Variants in CABIN1 observed in about 807,000 individuals in gnomAD.
CABIN1 encodes the protein calcineurin-binding protein cabin-1.
Under a neutral mutation model 227.7 loss-of-function variants are expected in CABIN1, and 133 were observed. That is an observed-to-expected ratio of 0.58 (90% CI 0.51 to 0.67). CABIN1 has a LOEUF of 0.67. CABIN1 is among the 30% of genes least tolerant of loss of function. CABIN1 has a pLI of 0.00. For synonymous variants in CABIN1, 1,086 were observed against 1,155.1 expected (o/e 0.94, Z 1.21); for missense variants, 2,408 against 2,852.5 (o/e 0.84, Z 3.55).
intron 26 of CABIN1, among the ~76,000 whole-genome samples, chr22:24,105,378 A>T (rs538510796): frequency 1.3e-5 from 2 of 152,344 alleles, no homozygotes; most frequent in East Asian, 3.9e-4. Context: ...TCCAGTAATT[A>T]ACAGTAACAA....
chr22:24,121,945 A>G (rs1000903100), intron 28 of CABIN1, among the ~76,000 whole-genome samples: 2 of 152,152 alleles, frequency 1.3e-5, no homozygotes, highest in Admixed American at 6.5e-5. Context: ...AGATGTCGAG[A>G]TGGAATTTCG....
At chr22:24,074,130 A>C (rs1369632955) in intron 18 of CABIN1, among the ~76,000 whole-genome samples, 1 of 152,182 alleles carries the variant, frequency 6.6e-6, no homozygotes, top group Non-Finnish European at 1.5e-5. Flanking sequence ...AAAAAACCTA[A>C]AGTTTATAAC....
rs150655318 is a variant in CABIN1, at chr22:24,177,506, G to A, written c.6208G>A (p.Gly2070Arg). 1.4e-4 allele frequency: 209 copies of A among 1,527,676 alleles called. 1 individual carries two copies. The highest frequency in any genetic ancestry group is 3.6e-4 in the Middle Eastern group (2 of 5,632). The allele number at this position is 1,527,676 out of a possible 1,614,324, so 94.6% of individuals were successfully genotyped here. The change falls in exon 36 of 37, where the codon GGG becomes AGG. Residue 2070 changes from glycine to arginine, a missense_variant and splice_region_variant. Gly to Arg is a moderately radical substitution (Grantham distance 125). Coordinates refer to ENST00000263119, the MANE Select transcript of CABIN1 (RefSeq NM_012295.4). The surrounding 1 kb of genome is among the most constrained non-coding windows in gnomAD (Gnocchi z 4.4). ...CTCTTGGTACCTTTGTCTTCCAGAG[G>A]GGAAACTGAGGCCTGAGCCGAGAAG... ...TGAEPTCSQE[G>R]KLRPEPRRDG... is the part of the protein sequence containing the mutation.
chr22:24,070,300 G>A (rs2039994427), intron 16 of CABIN1, among the ~76,000 whole-genome samples: 1 of 152,226 alleles, frequency 6.6e-6, no homozygotes, highest in African/African-American at 2.4e-5. Context: ...TGGGGAGGAG[G>A]AGGCTGATAG....
At chr22:24,041,358 AG>A in intron 5 of CABIN1, 85 bp downstream of exon 5, 1 of 1,563,714 alleles carries the variant, frequency 6.4e-7, no homozygotes, top group South Asian at 1.1e-5. Flanking sequence ...TGGGCCAAAA[AG>A]AAGAGTTTGT....
At chr22:24,136,347 CTTTTTTTTTTTTT>C (rs71184947) in intron 29 of CABIN1, among the ~76,000 whole-genome samples, 2 of 113,226 alleles carry the variant, frequency 1.8e-5, no homozygotes, top group Admixed American at 9.1e-5. Flanking sequence ...GCCATCCCTC[CTTTTTTTTTTTTT>C]TTTTTTTTTT....
chr22:24,057,001 A>G (rs2038849496), intron 10 of CABIN1, among the ~76,000 whole-genome samples: 1 of 150,884 alleles, frequency 6.6e-6, no homozygotes, highest in East Asian at 1.9e-4. Context: ...CAGTGGTGCT[A>G]TCTGGGCTTA....
intron 1 of CABIN1, 93 bp downstream of exon 1, chr22:24,011,460 G>A (rs2034804334): frequency 6.6e-6 from 1 of 152,446 alleles, no homozygotes; most frequent in Non-Finnish European, 1.5e-5. Flanking sequence ...CTGCAGGCGC[G>A]AGGCTGGGTT....
At chr22:24,175,358 G>T (rs1377988669) in intron 34 of CABIN1, among the ~76,000 whole-genome samples, 1 of 152,252 alleles carries the variant, frequency 6.6e-6, no homozygotes, top group Non-Finnish European at 1.5e-5. Context: ...AGGGGAGCTG[G>T]CTCCCCCTGC....
At chr22:24,041,079 G>T (rs1252777766) in intron 4 of CABIN1, 60 bp from the exon 5 acceptor site, 14 of 1,611,210 alleles carry the variant, frequency 8.7e-6, no homozygotes, top group Non-Finnish European at 1.0e-5. Context: ...CAAGTATCCT[G>T]CTGGCTGCTT....
intron 29 of CABIN1, among the ~76,000 whole-genome samples, chr22:24,134,637 T>C (rs933867439): frequency 6.6e-6 from 1 of 152,130 alleles, no homozygotes; most frequent in Non-Finnish European, 1.5e-5. Context: ...TGTGGGGAGA[T>C]GCATGGATGA....
chr22:24,091,794 A>G lies in CABIN1; in HGVS notation c.3737A>G (p.Lys1246Arg). The G allele has an allele frequency of 6.2e-7, 1 of 1,613,874 alleles. No homozygotes were observed. The highest frequency in any genetic ancestry group is 1.1e-5 in the South Asian group (1 of 91,080). The change falls in exon 24 of 37, where the codon AAG (lysine) becomes AGG (arginine). Residue 1246 changes from lysine to arginine, a missense_variant. Coordinates refer to ENST00000263119, the MANE Select transcript of CABIN1 (RefSeq NM_012295.4). ...YLHEEAARYPKKIHYHNPPEL... is the reference protein window; with the variant it reads ...YLHEEAARYPRKIHYHNPPEL... ...CACGAGGAGGCTGCCCGCTACCCCA[A>G]GAAGATCCACTACCACAACCCACCT...
At chr22:24,104,301 A>G (rs2042379807) in intron 26 of CABIN1, among the ~76,000 whole-genome samples, 1 of 152,188 alleles carries the variant, frequency 6.6e-6, no homozygotes, top group Non-Finnish European at 1.5e-5. Context: ...ATTTGTATCA[A>G]GAGGGGCTGT....
At chr22:24,048,948 C>T (rs575499947) in intron 6 of CABIN1, 143 bp from the exon 7 acceptor site, 1 of 953,848 alleles carries the variant, frequency 1.0e-6, no homozygotes, top group South Asian at 1.3e-5. Context: ...ACTAACCTGA[C>T]TGAATTAGTT....
At chr22:24,026,067 G>T (rs568544653) in intron 1 of CABIN1, among the ~76,000 whole-genome samples, 1 of 152,126 alleles carries the variant, frequency 6.6e-6, no homozygotes, top group Non-Finnish European at 1.5e-5. Context: ...GAACTCCTGA[G>T]CTCAAGTGAT....
chr22:24,026,589 TTTTC>T (rs1301495092), intron 1 of CABIN1, among the ~76,000 whole-genome samples: 1 of 152,184 alleles, frequency 6.6e-6, no homozygotes, highest in Non-Finnish European at 1.5e-5. Context: ...TCTTTTTCTT[TTTTC>T]TTTTTGAATA....
At chr22:24,021,358 A>G (rs2035715571) in intron 1 of CABIN1, among the ~76,000 whole-genome samples, 1 of 152,046 alleles carries the variant, frequency 6.6e-6, no homozygotes, top group Admixed American at 6.5e-5. Flanking sequence ...GGGTCTCACT[A>G]TGTTGCCCAG....
At chr22:24,028,623 A>T (rs2036269886) in intron 1 of CABIN1, among the ~76,000 whole-genome samples, 1 of 152,182 alleles carries the variant, frequency 6.6e-6, no homozygotes, top group Non-Finnish European at 1.5e-5. Flanking sequence ...TTGTATGACT[A>T]TTCCATCCTT....
Position 24,098,137 on chromosome 22 carries a change from G to A in CABIN1, c.4062G>A (p.Pro1354=), listed in dbSNP as rs1416863156. 4 of 1,614,104 alleles carry A rather than the reference G, an allele frequency of 2.5e-6. No individual in the cohort carries two copies. The highest frequency in any genetic ancestry group is 2.2e-5 in the South Asian group (2 of 91,070). The change falls in exon 26 of 37, where the codon CCG becomes CCA. Residue 1354 remains proline (P), a synonymous_variant. Transcript: ENST00000263119. The stretch of plus-strand genomic sequence containing the variant: ...CATCCCCACCTTACACAGCCACTCC[G>A]ATTGACCACGATTACGTCAAATGTA... ...GLTSPPYTAT[P]IDHDYVKCKK...
Sources: gnomAD v4.1 joint callset for allele counts (sites outside exome capture counted in the v4.1 genomes callset) on GRCh38, gnomAD v4.1.1 for gene constraint, Gnocchi (gnomAD v3.1) non-coding constraint, MANE v1.5 for transcripts, NCBI Gene and HGNC (gene_info 2026-07-23, HGNC 2026-07-21) for gene names.